The following CNTN5 variants were observed in gnomAD, a reference collection of about 807,000 sequenced individuals.
CNTN5 encodes the protein contactin 5.
CNTN5 carries 77 observed loss-of-function variants against 129.1 expected under a neutral mutation model. The observed-to-expected ratio is 0.60, with a 90% confidence interval of 0.50 to 0.72. The LOEUF (loss-of-function observed/expected upper bound fraction) is 0.72. Ranked by LOEUF, CNTN5 falls within the 30% of genes least tolerant of loss-of-function variation. CNTN5 has a pLI of 0.00. For missense variants in CNTN5, 1,478 were observed against 1,328.8 expected, an observed-to-expected ratio of 1.11 and a Z score of -1.75; for synonymous variants, 509 against 465.6, an observed-to-expected ratio of 1.09 and a Z score of -1.20.
At chr11:99,917,777 T>C (rs1460587814) in intron 7 of CNTN5, among the ~76,000 whole-genome samples, 3 of 152,176 alleles carry the variant, frequency 2.0e-5, no homozygotes, top group Non-Finnish European at 4.4e-5. Context: ...GAAAACTGTA[T>C]ACAGATTTCT....
In CNTN5 at chr11:99,646,204, G is replaced by T. The variant is rs566466543; in HGVS notation, c.55+89935G>T. On this transcript the variant is annotated intron_variant, in intron 3 of 24. Coordinates refer to ENST00000524871, the MANE Select transcript of CNTN5 (RefSeq NM_014361.4). ...CAGCTCATGTCTATGTACAATCACT[G>T]CCTGGAATAAAAAATGGAAAAGCCT... Among the ~76,000 whole-genome samples, 433 of 152,224 alleles carry T rather than the reference G, an allele frequency of 2.8e-3. 3 individuals are homozygous for T. The highest frequency in any genetic ancestry group is 9.8e-3 in the African/African-American group (409 of 41,534).
intron 1 of CNTN5, among the ~76,000 whole-genome samples, chr11:99,030,137 T>C (rs1863298123): frequency 6.6e-6 from 1 of 152,218 alleles, no homozygotes. Context: ...CACCATAACC[T>C]TTCTATGTTT....
chr11:99,697,325 G>A (rs1049896634), intron 3 of CNTN5, among the ~76,000 whole-genome samples: 2 of 151,754 alleles, frequency 1.3e-5, no homozygotes, highest in Non-Finnish European at 1.5e-5. Flanking sequence ...GGGAGAGAGA[G>A]AGAGAGAAAC....
chr11:99,535,106 A>G (rs11220342), intron 2 of CNTN5, among the ~76,000 whole-genome samples: 37,766 of 152,054 alleles, frequency 0.25, 5,169 homozygotes, highest in Non-Finnish European at 0.31. Flanking sequence ...CGTTAAAGGA[A>G]TTTGATGAGC....
intron 2 of CNTN5, among the ~76,000 whole-genome samples, chr11:99,433,731 T>C (rs1266493545): frequency 6.6e-6 from 1 of 152,092 alleles, no homozygotes; most frequent in Non-Finnish European, 1.5e-5. Flanking sequence ...CAGAAAATAG[T>C]GTGAAGTCAA....
At chr11:99,725,830 C>A (rs1014154842) in intron 3 of CNTN5, among the ~76,000 whole-genome samples, 1 of 152,076 alleles carries the variant, frequency 6.6e-6, no homozygotes, top group African/African-American at 2.4e-5. Flanking sequence ...TTATTAAACA[C>A]AAGCAATACA....
Position 99,923,805 on chromosome 11 carries a change from A to ATCTG in CNTN5, c.673+7657_673+7660dup, listed in dbSNP as rs34325904. 1.1e-3 allele frequency among the ~76,000 whole-genome samples: 163 copies of ATCTG among 150,410 alleles called. No individual in the cohort carries two copies. The East Asian group carries it at 0.013, about 12-fold the overall frequency. On this transcript the variant is annotated intron_variant, in intron 7 of 24. Transcript: ENST00000524871. Reference sequence around the variant, plus strand: ...TATCTATCTATCTATCTATCTATCTATCTGACAGAGTCTTGCTCTGTTGCC... The same window carrying ATCTG: ...TATCTATCTATCTATCTATCTATCTATCTGTCTGACAGAGTCTTGCTCTGTTGCC...
At chr11:99,747,269 C>T (rs959724167) in intron 3 of CNTN5, among the ~76,000 whole-genome samples, 3 of 151,980 alleles carry the variant, frequency 2.0e-5, no homozygotes, top group African/African-American at 7.3e-5. Flanking sequence ...GATTTTGTAT[C>T]CTGCAACTTT....
At chr11:100,057,442 T>C (rs1361551211) in intron 9 of CNTN5, among the ~76,000 whole-genome samples, 3 of 151,698 alleles carry the variant, frequency 2.0e-5, no homozygotes, top group Non-Finnish European at 4.4e-5. Context: ...ATATGCCATG[T>C]ATTTTACTAA....
At chr11:99,859,360 C>T (rs1474321810) in intron 6 of CNTN5, among the ~76,000 whole-genome samples, 2 of 151,954 alleles carry the variant, frequency 1.3e-5, no homozygotes. Context: ...TTTTTATTTT[C>T]TCCCAACTCT....
At position 100,161,163 on chromosome 11, in the gene CNTN5, C is replaced by T. The variant is rs952696746; in HGVS notation, c.1581-29963C>T. ...TTGTCAAGTAAGATTAGATAATAAA[C>T]CAATACAATTTTCTTTACTGAAGTT... is the stretch of plus-strand genomic sequence containing the variant. On this transcript the variant is annotated intron_variant, in intron 13 of 24. Coordinates refer to ENST00000524871, the MANE Select transcript of CNTN5 (RefSeq NM_014361.4). Among the ~76,000 whole-genome samples, 3 of 151,714 alleles carry T rather than the reference C, an allele frequency of 2.0e-5. No individual in the cohort carries two copies. The South Asian group carries it at 6.2e-4, about 31-fold the overall frequency.
intron 15 of CNTN5, among the ~76,000 whole-genome samples, chr11:100,213,101 T>G (rs1565346516): frequency 6.6e-6 from 1 of 152,228 alleles, no homozygotes; most frequent in East Asian, 1.9e-4. Flanking sequence ...ACGATAAGCT[T>G]ATAGAATGAA....
At position 100,233,230 on chromosome 11, in the gene CNTN5, A is replaced by G. The variant is rs116198257; in HGVS notation, c.2005+8418A>G. ...CACTATAGTTCCTGAAAAATAATAC[A>G]TGTTTGTGGAAGGGAAGAAAAAAAG... On this transcript the variant is annotated intron_variant, in intron 16 of 24. Transcript: ENST00000524871. Among the ~76,000 whole-genome samples, 629 of 151,784 alleles carry G rather than the reference A, an allele frequency of 4.1e-3. 4 individuals carry two copies. Among genetic ancestry groups the G allele is most frequent in the African/African-American group, 0.014 (592 of 41,390 alleles).
At chr11:100,009,959 G>C (rs1303715671) in intron 9 of CNTN5, among the ~76,000 whole-genome samples, 5 of 152,140 alleles carry the variant, frequency 3.3e-5, no homozygotes, top group African/African-American at 9.7e-5. Flanking sequence ...AAGTAGAAAT[G>C]ATGAGTGTTG....
chr11:99,784,507 T>C (rs1462854858), intron 3 of CNTN5, among the ~76,000 whole-genome samples: 1 of 152,022 alleles, frequency 6.6e-6, no homozygotes, highest in African/African-American at 2.4e-5. Context: ...AAGTCTTTCC[T>C]ATTGTGAATA....
At chr11:99,398,277 C>A (rs6590084) in intron 2 of CNTN5, among the ~76,000 whole-genome samples, 5,085 of 151,866 alleles carry the variant, frequency 0.033, 286 homozygotes, top group African/African-American at 0.12. Context: ...AGGGTCAAAC[C>A]GTTTTTTCTC....
At chr11:100,262,091 C>G (rs1481044021) in intron 17 of CNTN5, among the ~76,000 whole-genome samples, 17 of 151,942 alleles carry the variant, frequency 1.1e-4, no homozygotes, top group Admixed American at 1.1e-3. Context: ...AGAACTTAAA[C>G]AAATTTACAA....
Position 99,947,232 on chromosome 11 carries a change from T to TAA in CNTN5, c.674-9567_674-9566dup, listed in dbSNP as rs11386727. The stretch of plus-strand genomic sequence containing the variant: ...TTCTACTTTTGAAAAAGAACTCAAC[T>TAA]AAAAAAAACCCCAGCCAAAACTTTC... On this transcript the variant is annotated intron_variant, in intron 7 of 24. Transcript: ENST00000524871. Among the ~76,000 whole-genome samples the TAA allele has an allele frequency of 5.8e-3, 880 of 150,962 alleles. 10 individuals are homozygous for TAA. Among genetic ancestry groups the TAA allele is most frequent in the African/African-American group, 0.02 (828 of 41,226 alleles).
At chr11:100,307,469 G>A (rs1014718976) in intron 20 of CNTN5, among the ~76,000 whole-genome samples, 3 of 151,000 alleles carry the variant, frequency 2.0e-5, no homozygotes, top group East Asian at 2.0e-4. Flanking sequence ...GTGCAGCCTC[G>A]AATAAAGTAC....
Sources: gnomAD v4.1 joint callset for allele counts (sites outside exome capture counted in the v4.1 genomes callset) on GRCh38, gnomAD v4.1.1 for gene constraint, MANE v1.5 for transcripts, NCBI Gene and HGNC (gene_info 2026-07-23, HGNC 2026-07-21) for gene names.